The following CCDC3 variants were observed in gnomAD, a reference collection of about 807,000 sequenced individuals.
The protein encoded by CCDC3 is coiled-coil domain containing 3, also known as coiled-coil domain-containing protein 3.
In CCDC3, 24 loss-of-function variants were observed where a neutral mutation model predicts 21.4. That is an observed-to-expected ratio of 1.12 (90% CI 0.81 to 1.58). The LOEUF is 1.58. Ranked by LOEUF, CCDC3 falls within the 40% of genes most tolerant of loss-of-function variation. The pLI, the probability that CCDC3 is intolerant of heterozygous loss-of-function variation, is 0.00. For synonymous variants in CCDC3, 186 were observed against 166.0 expected (o/e 1.12, Z -0.93); for missense variants, 425 against 360.9 (o/e 1.18, Z -1.44).
At chr10:13,029,726 G>A (rs748141832) in intron 5 of CCDC3, among the ~76,000 whole-genome samples, 1 of 152,152 alleles carries the variant, frequency 6.6e-6, no homozygotes, top group Non-Finnish European at 1.5e-5. Flanking sequence ...TGATCAAGTG[G>A]AAGAAAGGGT....
intron 2 of CCDC3, among the ~76,000 whole-genome samples, chr10:12,929,211 G>A (rs1319885031): frequency 4.7e-5 from 7 of 148,364 alleles, no homozygotes; most frequent in East Asian, 2.0e-4. Flanking sequence ...GCAGTGAGCC[G>A]AGATCGTGCC....
chr10:13,031,211 A>G (rs1351865098), intron 5 of CCDC3, among the ~76,000 whole-genome samples: 2 of 152,254 alleles, frequency 1.3e-5, no homozygotes, highest in East Asian at 1.9e-4. Context: ...CCACTCAACT[A>G]CATGGAAACT....
chr10:13,094,629 C>A (rs909677469), intron 3 of CCDC3, among the ~76,000 whole-genome samples: 2 of 151,792 alleles, frequency 1.3e-5, no homozygotes, highest in Non-Finnish European at 2.9e-5. Context: ...TTTGGGAGGC[C>A]GAGGTGGAAG....
chr10:13,084,480 GT>G (rs1276426198), intron 3 of CCDC3, among the ~76,000 whole-genome samples: 39 of 152,026 alleles, frequency 2.6e-4, no homozygotes, highest in African/African-American at 9.2e-4. Flanking sequence ...TAGAGACAGG[GT>G]TCTCCATGTT....
intron 2 of CCDC3, among the ~76,000 whole-genome samples, chr10:12,909,885 A>C (rs1340267611): frequency 6.6e-6 from 1 of 152,140 alleles, no homozygotes; most frequent in African/African-American, 2.4e-5. Flanking sequence ...CCAGCTCTTC[A>C]ACTGAAAAAG....
intron 5 of CCDC3, among the ~76,000 whole-genome samples, chr10:13,017,642 G>A (rs1453723930): frequency 3.3e-5 from 5 of 149,886 alleles, no homozygotes; most frequent in African/African-American, 9.9e-5. Context: ...GAAATACTAG[G>A]CACAGCCTGA....
At chr10:12,960,439 C>A (rs953754103) in intron 2 of CCDC3, among the ~76,000 whole-genome samples, 5 of 152,084 alleles carry the variant, frequency 3.3e-5, no homozygotes, top group Non-Finnish European at 7.3e-5. Flanking sequence ...GGAACTCCCC[C>A]ACCCTGGGTT....
At chr10:12,988,158 C>T (rs556626498) in intron 2 of CCDC3, among the ~76,000 whole-genome samples, 91 of 152,328 alleles carry the variant, frequency 6.0e-4, no homozygotes, top group African/African-American at 2.1e-3. Context: ...ATTCTCTCCC[C>T]ACCGCCAATG....
chr10:12,913,693 C>T (rs537911493), intron 2 of CCDC3, among the ~76,000 whole-genome samples: 1 of 152,318 alleles, frequency 6.6e-6, no homozygotes, highest in South Asian at 2.1e-4. Flanking sequence ...CTATTCACCA[C>T]GGAGTATGAT....
At chr10:13,031,814 A>G (rs1224787113) in intron 5 of CCDC3, among the ~76,000 whole-genome samples, 1 of 152,222 alleles carries the variant, frequency 6.6e-6, no homozygotes, top group Non-Finnish European at 1.5e-5. Context: ...CCCTGAATAG[A>G]TCAATAACAG....
intron 2 of CCDC3, among the ~76,000 whole-genome samples, chr10:12,935,346 G>C (rs1418599270): frequency 1.3e-5 from 2 of 152,002 alleles, no homozygotes; most frequent in African/African-American, 4.8e-5. Context: ...AGCCTCCCAA[G>C]TAGCTGGGAC....
At chr10:12,919,454 G>C (rs184991457) in intron 2 of CCDC3, among the ~76,000 whole-genome samples, 32 of 152,188 alleles carry the variant, frequency 2.1e-4, no homozygotes, top group African/African-American at 7.7e-4. Context: ...GCTGGGTGTG[G>C]TGTTTTGTGC....
At chr10:12,929,309 G>A (rs1172496722) in intron 2 of CCDC3, among the ~76,000 whole-genome samples, 2 of 150,416 alleles carry the variant, frequency 1.3e-5, no homozygotes, top group African/African-American at 4.9e-5. Context: ...ACCTTCCTCT[G>A]AGTTTTATTT....
chr10:13,028,718 GA>G (rs1836258327), intron 5 of CCDC3, among the ~76,000 whole-genome samples: 1 of 152,160 alleles, frequency 6.6e-6, no homozygotes, highest in South Asian at 2.1e-4. Flanking sequence ...GGAATCCTAG[GA>G]AGATGAATTG....
chr10:13,003,979 T>C (rs555829738), upstream of CCDC3, among the ~76,000 whole-genome samples: 2 of 152,318 alleles, frequency 1.3e-5, no homozygotes, highest in African/African-American at 4.8e-5. Flanking sequence ...CTCTTCCTGA[T>C]TGAGCCATTG....
intron 2 of CCDC3, among the ~76,000 whole-genome samples, 166 bp from the exon 3 acceptor site, chr10:12,898,845 G>A (rs1036916064): frequency 3.3e-5 from 5 of 152,102 alleles, no homozygotes; most frequent in Admixed American, 6.5e-5. Context: ...GACATTCCCC[G>A]CCCTCCACCC....
chr10:12,946,282 C>G (rs1420923731), intron 2 of CCDC3, among the ~76,000 whole-genome samples: 4 of 152,194 alleles, frequency 2.6e-5, no homozygotes, highest in African/African-American at 9.7e-5. Context: ...GCGTCAATGT[C>G]TGAGCATCAG....
intron 3 of CCDC3, among the ~76,000 whole-genome samples, chr10:13,079,587 G>T (rs1008845651): frequency 4.6e-5 from 7 of 152,178 alleles, no homozygotes; most frequent in African/African-American, 1.4e-4. Flanking sequence ...CACGGGGTTG[G>T]GGGGAGAATG....
At chr10:12,967,364 T>A (rs1209531662) in intron 2 of CCDC3, among the ~76,000 whole-genome samples, 1 of 152,170 alleles carries the variant, frequency 6.6e-6, no homozygotes, top group Non-Finnish European at 1.5e-5. Context: ...GTGAACTGCC[T>A]AAGAATTCAA....
Sources: gnomAD v4.1 joint callset for allele counts (sites outside exome capture counted in the v4.1 genomes callset) on GRCh38, gnomAD v4.1.1 for gene constraint, MANE v1.5 for transcripts, NCBI Gene and HGNC (gene_info 2026-07-23, HGNC 2026-07-21) for gene names.